The following AVL9 variants were observed in gnomAD, a reference collection of about 807,000 sequenced individuals.
The protein encoded by AVL9 is AVL9 cell migration associated.
A neutral mutation model predicts 79.2 loss-of-function variants in AVL9; 49 were observed. That is an observed-to-expected ratio of 0.62 (90% CI 0.49 to 0.79). The LOEUF (loss-of-function observed/expected upper bound fraction) is 0.79, where lower values mean the gene tolerates loss of function less well. AVL9 is among the 30% of genes least tolerant of loss of function. The probability of loss-of-function intolerance (pLI) is 0.00; values close to 1 mark genes in which losing one functional copy is unlikely to be tolerated. For synonymous variants in AVL9, 299 were observed against 280.6 expected (o/e 1.07, Z -0.65); for missense variants, 682 against 776.8 (o/e 0.88, Z 1.45).
intron 1 of AVL9, among the ~76,000 whole-genome samples, chr7:32,523,537 A>C (rs1305970055): frequency 1.3e-5 from 1 of 78,548 alleles, no homozygotes; most frequent in Non-Finnish European, 2.5e-5. Flanking sequence ...TTTTTTTGAG[A>C]TGGAATCTCG....
chr7:32,561,965 G>A (rs912049993), intron 10 of AVL9, among the ~76,000 whole-genome samples: 8 of 152,182 alleles, frequency 5.3e-5, no homozygotes, highest in Non-Finnish European at 1.2e-4. Context: ...GGAGAAGTCA[G>A]AACACACACA....
At chr7:32,498,697 T>C (rs1294638987) in intron 1 of AVL9, among the ~76,000 whole-genome samples, 1 of 151,818 alleles carries the variant, frequency 6.6e-6, no homozygotes, top group Non-Finnish European at 1.5e-5. Context: ...ATTTTTCTAG[T>C]TTACTGATAT....
chr7:32,574,031 G>A (rs940754366), intron 12 of AVL9, among the ~76,000 whole-genome samples: 1 of 152,168 alleles, frequency 6.6e-6, no homozygotes, highest in African/African-American at 2.4e-5. Flanking sequence ...GCTCTGCAGT[G>A]AGCTTTTCAC....
intron 1 of AVL9, among the ~76,000 whole-genome samples, chr7:32,529,048 G>A (rs957453414): frequency 2.6e-5 from 4 of 152,184 alleles, no homozygotes; most frequent in African/African-American, 4.8e-5. Flanking sequence ...TAAGCATTGT[G>A]TTAGTTGTGT....
chr7:32,545,140 G>T (rs1789419440), intron 3 of AVL9, among the ~76,000 whole-genome samples: 1 of 151,726 alleles, frequency 6.6e-6, no homozygotes, highest in Non-Finnish European at 1.5e-5. Flanking sequence ...GTGTTTTTTA[G>T]TTTTTTTATT....
chr7:32,569,894 T>TAGC, intron 10 of AVL9, 126 bp from the exon 11 acceptor site: 1 of 835,916 alleles, frequency 1.2e-6, no homozygotes, highest in South Asian at 1.7e-5. Context: ...GAGTCAAAGA[T>TAGC]TAGCTGACTT....
At chr7:32,562,935 AAAAT>A (rs572463351) in intron 10 of AVL9, among the ~76,000 whole-genome samples, 33 of 152,298 alleles carry the variant, frequency 2.2e-4, no homozygotes, top group South Asian at 1.0e-3. Context: ...TCTCTATATA[AAAAT>A]AAATAAAGTT....
At chr7:32,570,234 T>C in intron 11 of AVL9, 80 bp downstream of exon 11, 1 of 1,532,516 alleles carries the variant, frequency 6.5e-7, no homozygotes, top group Admixed American at 1.7e-5. Flanking sequence ...GAATACATAG[T>C]AACAACATTA....
chr7:32,558,469 A>G (rs886943452), intron 8 of AVL9, 90 bp from the exon 9 acceptor site: 24 of 1,005,292 alleles, frequency 2.4e-5, no homozygotes, highest in Non-Finnish European at 3.0e-5. Flanking sequence ...TGTTATTCTT[A>G]TATAAGGAAT....
intron 1 of AVL9, chr7:32,535,054 T>C (rs1349897410): frequency 1.3e-5 from 2 of 152,218 alleles, no homozygotes; most frequent in Admixed American, 1.3e-4. Context: ...TAAATTTCTC[T>C]TACAAAAATA....
intron 11 of AVL9, among the ~76,000 whole-genome samples, chr7:32,572,021 A>G (rs374553680): frequency 3.3e-5 from 5 of 151,326 alleles, no homozygotes; most frequent in African/African-American, 1.2e-4. Flanking sequence ...AATTAGCTGG[A>G]CATGGTGGCA....
intron 1 of AVL9, among the ~76,000 whole-genome samples, chr7:32,518,413 A>G (rs1788001029): frequency 6.6e-6 from 1 of 152,250 alleles, no homozygotes; most frequent in African/African-American, 2.4e-5. Context: ...TGTAAAGTTA[A>G]ATACATATTT....
intron 10 of AVL9, among the ~76,000 whole-genome samples, chr7:32,560,783 A>G (rs1790299149): frequency 1.3e-5 from 2 of 152,206 alleles, no homozygotes; most frequent in Non-Finnish European, 2.9e-5. Context: ...AGCCTTATGA[A>G]ATGTGTTTCT....
intron 1 of AVL9, 111 bp downstream of exon 1, chr7:32,495,913 C>A (rs1210158866): frequency 3.1e-6 from 2 of 635,508 alleles, no homozygotes; most frequent in East Asian, 3.5e-5. Flanking sequence ...CTCCCCACAG[C>A]GCCTGCGACC....
At chr7:32,524,876 A>T (rs762589635) in intron 1 of AVL9, among the ~76,000 whole-genome samples, 3 of 152,198 alleles carry the variant, frequency 2.0e-5, no homozygotes, top group South Asian at 2.1e-4. Flanking sequence ...TGGAATGTTA[A>T]CTGAAGCCAC....
Position 32,510,766 on chromosome 7 carries a change from G to A in AVL9, c.93+14964G>A, listed in dbSNP as rs184822623. ...CTCCCCAGGGTAAGATTTGTGAGCC[G>A]TCAGGTCTGGGTGTAGGAGTCCACA... On this transcript the variant is annotated intron_variant, in intron 1 of 15. Transcript: ENST00000318709. 4.1e-3 allele frequency among the ~76,000 whole-genome samples: 391 copies of A among 95,506 alleles called. 14 individuals are homozygous for A. Among genetic ancestry groups the A allele is most frequent in the African/African-American group, 5.8e-3 (150 of 26,042 alleles). 62.7% of individuals were successfully genotyped at this position (95,506 alleles called of 152,430 possible).
chr7:32,580,653 AAAT>A (rs1312272454), intron 14 of AVL9, 146 bp from the exon 15 acceptor site: 12 of 611,216 alleles, frequency 2.0e-5, no homozygotes, highest in African/African-American at 9.3e-5. Flanking sequence ...AATTCATAAC[AAAT>A]AATAATTTAG....
chr7:32,532,844 AG>A (rs1788725389), intron 1 of AVL9: 1 of 152,234 alleles, frequency 6.6e-6, no homozygotes, highest in African/African-American at 2.4e-5. Context: ...GTTTGAGAGC[AG>A]CCTGGGCAAC....
chr7:32,547,520 G>A (rs1426696128), intron 3 of AVL9, among the ~76,000 whole-genome samples: 1 of 152,108 alleles, frequency 6.6e-6, no homozygotes, highest in Non-Finnish European at 1.5e-5. Context: ...CTACCAAGTG[G>A]GTCTTATCCC....
Sources: allele counts gnomAD v4.1 joint callset (sites outside exome capture counted in the v4.1 genomes callset), GRCh38; gene constraint gnomAD v4.1.1; transcripts MANE v1.5; gene names NCBI Gene and HGNC (gene_info 2026-07-23, HGNC 2026-07-21).